Variants in FBN2 observed in about 807,000 individuals in gnomAD.
FBN2 encodes fibrillin 2.
A neutral mutation model predicts 355.6 loss-of-function variants in FBN2; 105 were observed. That is an observed-to-expected ratio of 0.30 (90% CI 0.25 to 0.35). The LOEUF is 0.35. FBN2 is among the 10% of genes least tolerant of loss of function. FBN2 has a pLI of 1.00. For synonymous variants in FBN2, 1,350 were observed against 1,301.2 expected (o/e 1.04, Z -0.81); for missense variants, 3,280 against 3,758.7 (o/e 0.87, Z 3.33).
chr5:128,529,518 G>A (rs954946373), intron 3 of FBN2, among the ~76,000 whole-genome samples: 1 of 152,198 alleles, frequency 6.6e-6, no homozygotes, highest in Admixed American at 6.5e-5. Context: ...AAGGCCAAAT[G>A]AATGCACAGA....
rs1404752670 is a variant in FBN2 at position 128,303,064 on chromosome 5, T to C, written c.5826A>G (p.Pro1942=). Residue 1942 remains proline (P), a synonymous_variant, in exon 46 of 65, where the codon CCA becomes CCG. Transcript: ENST00000262464. ...TGTTTTTACAAGTTCCATTTCCACA[T>C]GGATGCCGCTCGCACTCATCAACAT... is the stretch of plus-strand genomic sequence containing the variant. ...CMDVDECERH[P]CGNGTCKNTV... The C allele has an allele frequency of 5.0e-6, 8 of 1,610,902 alleles. No homozygotes were observed. In the South Asian group the frequency reaches 6.6e-5, roughly 13 times the overall value.
At chr5:128,524,709 A>G (rs1355032902) in intron 4 of FBN2, among the ~76,000 whole-genome samples, 2 of 152,044 alleles carry the variant, frequency 1.3e-5, no homozygotes, top group Non-Finnish European at 2.9e-5. Context: ...TCTTCCTTAC[A>G]CCATTCCTTG....
chr5:128,258,018 A>G lies in FBN2; in HGVS notation c.*1437T>C, dbSNP rs1279226734. The G allele has an allele frequency of 6.6e-6, 1 of 152,250 alleles. No homozygotes were observed. The highest frequency in any genetic ancestry group is 2.4e-5 in the African/African-American group (1 of 41,070). 9.4% of individuals were successfully genotyped at this position (152,250 alleles called of 1,614,324 possible). On this transcript the variant is annotated 3_prime_UTR_variant, in exon 65 of 65. Transcript: ENST00000262464. Reference sequence around the variant, plus strand: ...TTTTTCCTCACAAACTCTTGATTACAAATTTACACTGTTCCTTTTTTCTTT... The same window carrying G: ...TTTTTCCTCACAAACTCTTGATTACGAATTTACACTGTTCCTTTTTTCTTT...
intron 8 of FBN2, among the ~76,000 whole-genome samples, chr5:128,398,526 C>T (rs1414624446): frequency 1.3e-5 from 2 of 151,898 alleles, no homozygotes; most frequent in Non-Finnish European, 2.9e-5. Flanking sequence ...AAGTATCTGA[C>T]AAATACATTA....
rs527729655 is a variant in FBN2, at chr5:128,278,044, T to A, written c.7346-39A>T. 5.6e-6 allele frequency: 9 copies of A among 1,610,102 alleles called. No homozygotes were observed. In the African/African-American group the frequency reaches 1.1e-4, roughly 19 times the overall value. ...CAACAAAAACAATCAGGAGTTAACA[T>A]ATATGCAAGGGTAAAACTGGTTAGA... On this transcript the variant is annotated intron_variant, in intron 57 of 64. Transcript: ENST00000262464.
intron 32 of FBN2, 62 bp downstream of exon 32, chr5:128,332,850 T>C: frequency 6.6e-7 from 1 of 1,518,784 alleles, no homozygotes; most frequent in Non-Finnish European, 9.1e-7. Context: ...TCTACAACCA[T>C]GCAAAAAAGA....
chr5:128,393,462 C>G (rs1324589600), intron 9 of FBN2, 94 bp from the exon 10 acceptor site: 19 of 946,508 alleles, frequency 2.0e-5, no homozygotes, highest in Non-Finnish European at 1.0e-5. Context: ...TTTGGGTTAC[C>G]TATACTACAC....
At chr5:128,386,185 A>G (rs1045112759) in intron 11 of FBN2, among the ~76,000 whole-genome samples, 1 of 152,054 alleles carries the variant, frequency 6.6e-6, no homozygotes, top group African/African-American at 2.4e-5. Context: ...ATCAATCTTG[A>G]GTTAATTTTT....
chr5:128,424,018 T>G (rs185380774), intron 7 of FBN2, among the ~76,000 whole-genome samples: 114 of 152,298 alleles, frequency 7.5e-4, no homozygotes, highest in African/African-American at 2.6e-3. Context: ...TGCCAATCAC[T>G]GTCATGATGA....
intron 6 of FBN2, among the ~76,000 whole-genome samples, chr5:128,447,370 A>AG (rs1378595061): frequency 3.9e-5 from 6 of 152,130 alleles, no homozygotes; most frequent in Non-Finnish European, 8.8e-5. Flanking sequence ...ATGCGTTCCT[A>AG]GGGGGAGGTC....
chr5:128,333,693 T>G (rs2126893225), intron 31 of FBN2, among the ~76,000 whole-genome samples: 1 of 152,150 alleles, frequency 6.6e-6, no homozygotes, highest in African/African-American at 2.4e-5. Context: ...TGTGTGTGTG[T>G]GTGTATTTGT....
In FBN2 at chr5:128,333,250, G is replaced by T. The variant is rs458882; in HGVS notation, c.4100-216C>A. Reference sequence around the variant, plus strand: ...AACAAGTTCTTCCCTAGAAACAACTGTCAGCCACTTTCCAGTAGAAGAGAG... The same window carrying T: ...AACAAGTTCTTCCCTAGAAACAACTTTCAGCCACTTTCCAGTAGAAGAGAG... On this transcript the variant is annotated intron_variant, in intron 31 of 64. Transcript: ENST00000262464. 0.25 allele frequency among the ~76,000 whole-genome samples: 38,336 copies of T among 152,106 alleles called. 5,768 individuals are homozygous for T. Among genetic ancestry groups the T allele is most frequent in the Non-Finnish European group, 0.35 (23,610 of 67,976 alleles).
chr5:128,485,970 G>A (rs1354574990), intron 5 of FBN2, among the ~76,000 whole-genome samples: 1 of 152,042 alleles, frequency 6.6e-6, no homozygotes, highest in African/African-American at 2.4e-5. Flanking sequence ...TGATCACAGG[G>A]AATTCTGTCC....
Position 128,309,333 on chromosome 5 carries a change from T to C in FBN2, c.5267A>G (p.Asn1756Ser), listed in dbSNP as rs760065931. 1.7e-5 allele frequency: 27 copies of C among 1,613,960 alleles called. No individual in the cohort carries two copies. Among genetic ancestry groups the C allele is most frequent in the Non-Finnish European group, 2.0e-5 (24 of 1,179,908 alleles). ...GTTCENELPF[N>S]VTKRMCCCTY... Reference sequence around the variant, plus strand: ...GCAGCAGCACATCCTTTTTGTCACATTGAAAGGCAACTCATTCTCACAAGT... The same window carrying C: ...GCAGCAGCACATCCTTTTTGTCACACTGAAAGGCAACTCATTCTCACAAGT... Residue 1756 changes from asparagine (N) to serine (S), a missense_variant, in exon 41 of 65, where the codon AAT (asparagine) becomes AGT (serine). Around this residue, in one of 6 missense-constraint regions of FBN2, gnomAD observed 2,284 missense variants for 2,749.5 expected, o/e 0.83. Transcript: ENST00000262464.
At chr5:128,502,354 A>G (rs1755841937) in intron 5 of FBN2, among the ~76,000 whole-genome samples, 1 of 152,178 alleles carries the variant, frequency 6.6e-6, no homozygotes, top group South Asian at 2.1e-4. Flanking sequence ...CAAGTGACTT[A>G]GGAGAAGAAA....
intron 6 of FBN2, among the ~76,000 whole-genome samples, chr5:128,452,990 A>C (rs1006205901): frequency 1.3e-5 from 2 of 152,138 alleles, no homozygotes; most frequent in Admixed American, 6.5e-5. Context: ...TTTTATTCCT[A>C]TGAAAACAAA....
intron 4 of FBN2, among the ~76,000 whole-genome samples, chr5:128,526,051 A>G (rs1756551566): frequency 6.6e-6 from 1 of 152,112 alleles, no homozygotes; most frequent in Non-Finnish European, 1.5e-5. Context: ...TTAACAGAAT[A>G]TCTTTCTTTA....
chr5:128,280,107 G>T (rs972512686), intron 56 of FBN2, 85 bp downstream of exon 56: 3 of 1,120,408 alleles, frequency 2.7e-6, no homozygotes, highest in African/African-American at 1.5e-5. Context: ...TAGCAGACAA[G>T]AATATATATG....
chr5:128,301,609 T>G, intron 46 of FBN2, 99 bp from the exon 47 acceptor site: 1 of 1,184,230 alleles, frequency 8.4e-7, no homozygotes, highest in South Asian at 1.2e-5. Flanking sequence ...CATGCATTTA[T>G]AAGAAATCCC....
Sources: allele counts gnomAD v4.1 joint callset (sites outside exome capture counted in the v4.1 genomes callset), GRCh38; gene constraint gnomAD v4.1.1; regional missense constraint gnomAD v4.1.1; transcripts MANE v1.5; gene names NCBI Gene and HGNC (gene_info 2026-07-23, HGNC 2026-07-21).